ATP2B2: variants seen among roughly 807,000 people sequenced by gnomAD.
The protein encoded by ATP2B2 is ATPase plasma membrane Ca2+ transporting 2, also known as plasma membrane calcium-transporting ATPase 2.
In ATP2B2, 15 loss-of-function variants were observed where a neutral mutation model predicts 120.0. The ratio of observed to expected loss-of-function variants is 0.12; its 90% CI spans 0.08 to 0.19. The LOEUF is 0.19. Among genes scored for constraint, ATP2B2 ranks in the 10% least tolerant of loss-of-function variants. The probability of loss-of-function intolerance (pLI) is 1.00; values close to 1 mark genes in which losing one functional copy is unlikely to be tolerated. For synonymous variants in ATP2B2, 694 were observed against 700.3 expected (o/e 0.99, Z 0.14); for missense variants, 1,045 against 1,719.8 (o/e 0.61, Z 6.94).
chr3:10,697,596 T>A (rs1438562116), intron 1 of ATP2B2, among the ~76,000 whole-genome samples: 1 of 152,232 alleles, frequency 6.6e-6, no homozygotes, highest in Non-Finnish European at 1.5e-5. Context: ...GGCCTCTTCC[T>A]ATGGATGTAT....
intron 1 of ATP2B2, among the ~76,000 whole-genome samples, chr3:10,652,485 G>A (rs1431945441): frequency 3.9e-5 from 6 of 152,192 alleles, no homozygotes; most frequent in African/African-American, 1.4e-4. Context: ...GTTACAGGGC[G>A]CCCTGAATCC....
intron 1 of ATP2B2, among the ~76,000 whole-genome samples, chr3:10,488,234 TATCC>T (rs1277279094): frequency 0.036 from 3,911 of 107,420 alleles, 222 homozygotes; most frequent in African/African-American, 0.14. Context: ...CTCATCCACC[TATCC>T]ATCCATCCAT....
At chr3:10,485,093 G>C (rs561973998) in intron 1 of ATP2B2, among the ~76,000 whole-genome samples, 50 of 152,312 alleles carry the variant, frequency 3.3e-4, no homozygotes, top group Non-Finnish European at 5.7e-4. Flanking sequence ...TGAGAGGAGG[G>C]AGACAGAGGC....
At chr3:10,409,411 T>G (rs958403234) in intron 3 of ATP2B2, among the ~76,000 whole-genome samples, 3 of 152,196 alleles carry the variant, frequency 2.0e-5, no homozygotes, top group Non-Finnish European at 4.4e-5. Flanking sequence ...AATTCAGTAC[T>G]CTTTAGTATA....
At chr3:10,507,332 C>G (rs1169211654), upstream of ATP2B2, among the ~76,000 whole-genome samples, 1 of 152,148 alleles carries the variant, frequency 6.6e-6, no homozygotes, top group African/African-American at 2.4e-5. Context: ...CTCTACCCCT[C>G]TTAGGGGTGT....
At chr3:10,662,334 C>T (rs146191185) in intron 1 of ATP2B2, among the ~76,000 whole-genome samples, 31,932 of 149,906 alleles carry the variant, frequency 0.21, 5,742 homozygotes, top group African/African-American at 0.49. Context: ...ATTTTTGCAA[C>T]CTACTCATCT....
chr3:10,643,942 AG>A (rs1304694952), intron 1 of ATP2B2, among the ~76,000 whole-genome samples: 1 of 152,226 alleles, frequency 6.6e-6, no homozygotes, highest in Admixed American at 6.5e-5. Flanking sequence ...ATTAAAATAA[AG>A]CACTTTCATT....
intron 2 of ATP2B2, among the ~76,000 whole-genome samples, chr3:10,548,633 T>C (rs2067601693): frequency 1.3e-5 from 2 of 152,168 alleles, no homozygotes; most frequent in African/African-American, 4.8e-5. Flanking sequence ...ACAGTGATAA[T>C]TAACTTGCTT....
At chr3:10,467,469 G>T (rs2064796410) in intron 1 of ATP2B2, among the ~76,000 whole-genome samples, 1 of 152,116 alleles carries the variant, frequency 6.6e-6, no homozygotes, top group Non-Finnish European at 1.5e-5. Context: ...TGCCCTTTAG[G>T]GTCCAACCAT....
intron 19 of ATP2B2, among the ~76,000 whole-genome samples, chr3:10,341,398 C>G (rs1458326641): frequency 6.6e-6 from 1 of 152,156 alleles, no homozygotes; most frequent in Non-Finnish European, 1.5e-5. Context: ...GCAACACCCG[C>G]CTCCTGGGTT....
chr3:10,554,719 A>G (rs539323808), intron 2 of ATP2B2, among the ~76,000 whole-genome samples: 2 of 152,356 alleles, frequency 1.3e-5, no homozygotes, highest in South Asian at 2.1e-4. Context: ...GTAAGCTAAT[A>G]CACCACACTT....
chr3:10,398,323 G>T (rs1299293859), intron 5 of ATP2B2, among the ~76,000 whole-genome samples: 1 of 152,214 alleles, frequency 6.6e-6, no homozygotes, highest in East Asian at 1.9e-4. Flanking sequence ...CTTGGCTGAT[G>T]TCTCCTGACA....
At position 10,692,937 on chromosome 3, in the gene ATP2B2, G is replaced by A. The variant is rs1383436935; in HGVS notation, c.-460+14978C>T. On this transcript the variant is annotated intron_variant, in intron 1 of 21. Transcript: ENST00000646379. ...TTACTCACTGGCAGCCCTGGATCCT[G>A]CAACAGGCTCTTCTGCTTCCAGTCA... is the stretch of plus-strand genomic sequence containing the variant. Among the ~76,000 whole-genome samples, 3 of 152,214 alleles carry A rather than the reference G, an allele frequency of 2.0e-5. No individual in the cohort carries two copies. In the East Asian group the frequency reaches 5.8e-4, roughly 29 times the overall value.
intron 5 of ATP2B2, among the ~76,000 whole-genome samples, chr3:10,396,542 G>C (rs1025274106): frequency 2.0e-5 from 3 of 152,248 alleles, no homozygotes; most frequent in African/African-American, 7.2e-5. Flanking sequence ...AGACTGGAAG[G>C]CCCAGCAAGG....
At chr3:10,509,317 C>G (rs976369242), upstream of ATP2B2, among the ~76,000 whole-genome samples, 1 of 152,244 alleles carries the variant, frequency 6.6e-6, no homozygotes, top group Middle Eastern at 3.4e-3. Flanking sequence ...TTGCCTGGCT[C>G]GGGGTCTGTA....
At chr3:10,552,218 C>T (rs910055503) in intron 2 of ATP2B2, among the ~76,000 whole-genome samples, 10 of 152,220 alleles carry the variant, frequency 6.6e-5, no homozygotes, top group African/African-American at 2.4e-4. Context: ...ACCACATAGG[C>T]ATCACCATGG....
At chr3:10,520,468 C>A (rs1036322310) in intron 3 of ATP2B2, among the ~76,000 whole-genome samples, 2 of 152,110 alleles carry the variant, frequency 1.3e-5, no homozygotes, top group Admixed American at 6.5e-5. Flanking sequence ...TAAAAATATT[C>A]TTTTACTTTT....
chr3:10,593,040 C>T (rs888285826), intron 2 of ATP2B2, among the ~76,000 whole-genome samples: 38 of 152,238 alleles, frequency 2.5e-4, no homozygotes, highest in African/African-American at 8.9e-4. Flanking sequence ...CCTGCCTTGA[C>T]CTCCCAAAGT....
intron 2 of ATP2B2, among the ~76,000 whole-genome samples, chr3:10,543,348 G>T (rs926051253): frequency 1.3e-5 from 2 of 152,110 alleles, no homozygotes; most frequent in African/African-American, 4.8e-5. Context: ...TCAAAGAAAA[G>T]TATCTACAAT....
Sources: allele counts gnomAD v4.1 joint callset (sites outside exome capture counted in the v4.1 genomes callset), GRCh38; gene constraint gnomAD v4.1.1; transcripts MANE v1.5; gene names NCBI Gene and HGNC (gene_info 2026-07-23, HGNC 2026-07-21).